Variants in PRKAA1 observed in about 807,000 individuals in gnomAD.
PRKAA1 encodes protein kinase AMP-activated catalytic subunit alpha 1, also known as 5'-AMP-activated protein kinase catalytic subunit alpha-1.
In PRKAA1, 23 loss-of-function variants were observed where a neutral mutation model predicts 56.9. The ratio of observed to expected loss-of-function variants is 0.40; its 90% confidence interval spans 0.29 to 0.57. The LOEUF (loss-of-function observed/expected upper bound fraction) is 0.57. Among genes scored for constraint, PRKAA1 ranks in the 20% least tolerant of loss-of-function variants. The pLI, the probability that PRKAA1 is intolerant of heterozygous loss-of-function variation, is 0.39. For missense variants in PRKAA1, 413 were observed against 679.7 expected, an observed-to-expected ratio of 0.61 and a Z score of 4.36; for synonymous variants, 226 against 227.0, an observed-to-expected ratio of 1.00 and a Z score of 0.04.
chr5:40,762,498 T>A lies in PRKAA1; in HGVS notation c.*280A>T. On this transcript the variant is annotated 3_prime_UTR_variant, in exon 9 of 9. Transcript: ENST00000397128. ...TAATATTTCAAAGCCCTGTGTACAC[T>A]AAATATAAAATAGCCAAAAATCAAG... is the stretch of plus-strand genomic sequence containing the variant. The A allele has an allele frequency of 2.9e-6, 1 of 346,552 alleles. No homozygotes were observed. The highest frequency in any genetic ancestry group is 5.4e-6 in the Non-Finnish European group (1 of 185,950). The allele number at this position is 346,552 out of a possible 1,614,324, so 21.5% of individuals were successfully genotyped here.
At chr5:40,768,730 T>C (rs1020517060) in intron 5 of PRKAA1, 1 of 1,304,166 alleles carries the variant, frequency 7.7e-7, no homozygotes, top group Non-Finnish European at 9.7e-7. Context: ...GGGTGAAAAG[T>C]TATTAAAAGT....
At position 40,762,277 on chromosome 5, in the gene PRKAA1, CAA is replaced by C. The variant is rs1171402721; in HGVS notation, c.*499_*500del. On this transcript the variant is annotated 3_prime_UTR_variant, in exon 9 of 9. Transcript: ENST00000397128. ...ACAAAGTGACACTGTCTCAAAAAAA[CAA>C]AGAGGGAGGGATATGGAAGAAGTTA... The C allele has an allele frequency of 1.3e-5, 2 of 155,848 alleles. No individual in the cohort carries two copies. The highest frequency in any genetic ancestry group is 1.3e-4 in the Admixed American group (2 of 15,850). 9.7% of individuals were successfully genotyped at this position (155,848 alleles called of 1,614,324 possible).
intron 1 of PRKAA1, among the ~76,000 whole-genome samples, chr5:40,777,795 G>A (rs886972224): frequency 2.0e-5 from 3 of 149,632 alleles, no homozygotes; most frequent in Non-Finnish European, 3.0e-5. Flanking sequence ...ATTAATGGCC[G>A]GGAGCGGTGG....
chr5:40,771,847 CTT>C lies in PRKAA1; in HGVS notation c.378_379del (p.Arg128AlafsTer21). On this transcript the variant is annotated frameshift_variant, in exon 4 of 9. Transcript: ENST00000397128. LOFTEE classifies it high-confidence loss of function. ...AAGGATCTGTTGGAACAGACGCCGA[CTT>C]TCTTTTTCATCCAGCTAAGAAAAGT... The C allele has an allele frequency of 6.2e-7, 1 of 1,609,094 alleles. No individual in the cohort carries two copies. The highest frequency in any genetic ancestry group is 8.5e-7 in the Non-Finnish European group (1 of 1,179,054).
rs1252317432 is a variant in PRKAA1 at position 40,760,123 on chromosome 5, G to A, written c.*2655C>T. Reference sequence around the variant, plus strand: ...AATAAAAAAAGATTAAAAATCATTTGCATTGCCTCCCTTACCTCTTCAATA... The same window carrying A: ...AATAAAAAAAGATTAAAAATCATTTACATTGCCTCCCTTACCTCTTCAATA... On this transcript the variant is annotated 3_prime_UTR_variant, in exon 9 of 9. Coordinates refer to ENST00000397128, the MANE Select transcript of PRKAA1 (RefSeq NM_006251.6). 2.0e-5 allele frequency: 3 copies of A among 152,662 alleles called. No homozygotes were observed. The highest frequency in any genetic ancestry group is 4.4e-5 in the Non-Finnish European group (3 of 68,004). 9.5% of individuals were successfully genotyped at this position (152,662 alleles called of 1,614,324 possible).
chr5:40,763,411 C>T (rs1179979724), intron 8 of PRKAA1, among the ~76,000 whole-genome samples: 1 of 152,038 alleles, frequency 6.6e-6, no homozygotes, highest in African/African-American at 2.4e-5. Flanking sequence ...TCATCCAGCC[C>T]CTCACTTTAT....
chr5:40,783,781 GA>G (rs926143760), intron 1 of PRKAA1, among the ~76,000 whole-genome samples: 1 of 151,992 alleles, frequency 6.6e-6, no homozygotes, highest in Non-Finnish European at 1.5e-5. Flanking sequence ...TTCCAAAGGG[GA>G]AAAAAACAAT....
chr5:40,775,506 G>T lies in PRKAA1; in HGVS notation c.270-3C>A. 6.4e-7 allele frequency: 1 copy of T among 1,572,414 alleles called. No individual in the cohort carries two copies. The highest frequency in any genetic ancestry group is 8.8e-7 in the Non-Finnish European group (1 of 1,142,848). ...ATGGTGTACTGATGACCTGGTACCTGGTGAGAGAAAACATTGTCTACAAAT... is the reference window on the plus strand; with the variant it reads ...ATGGTGTACTGATGACCTGGTACCTTGTGAGAGAAAACATTGTCTACAAAT... On this transcript the variant is annotated splice_region_variant and splice_polypyrimidine_tract_variant and intron_variant, in intron 2 of 8. Transcript: ENST00000397128.
intron 1 of PRKAA1, among the ~76,000 whole-genome samples, chr5:40,777,838 C>T (rs996736070): frequency 1.3e-5 from 2 of 151,822 alleles, no homozygotes; most frequent in Non-Finnish European, 1.5e-5. Context: ...TTTGGGAGGC[C>T]GAGGCGGGCA....
At position 40,764,508 on chromosome 5, in the gene PRKAA1, A is replaced by G; in HGVS notation, c.1435+6T>C. ...TAATCTATGTTGTTTTGTGTGATGT[A>G]CATACCATCAATACTACGGAAATCC... is the stretch of plus-strand genomic sequence containing the variant. On this transcript the variant is annotated splice_donor_region_variant and intron_variant, in intron 8 of 8. Transcript: ENST00000397128. 1 of 1,609,386 alleles carries G rather than the reference A, an allele frequency of 6.2e-7. No individual in the cohort carries two copies. Among genetic ancestry groups the G allele is most frequent in the South Asian group, 1.1e-5 (1 of 90,734 alleles).
intron 1 of PRKAA1, among the ~76,000 whole-genome samples, chr5:40,792,385 TACA>T (rs1430938192): frequency 6.6e-6 from 1 of 152,204 alleles, no homozygotes; most frequent in Non-Finnish European, 1.5e-5. Context: ...TATTAATATT[TACA>T]ACAATATGGC....
chr5:40,771,933 A>C, intron 3 of PRKAA1, 70 bp from the exon 4 acceptor site: 2 of 1,527,392 alleles, frequency 1.3e-6, no homozygotes, highest in Non-Finnish European at 8.8e-7. Flanking sequence ...ATAATTCTCC[A>C]ACCTATAAAA....
chr5:40,764,525 C>T lies in PRKAA1; in HGVS notation c.1424G>A (p.Arg475His), dbSNP rs761385811. ...TGTGATGTACATACCATCAATACTACGGAAATCCAGTAGATAAGTTCTACT... is the reference window on the plus strand; with the variant it reads ...TGTGATGTACATACCATCAATACTATGGAAATCCAGTAGATAAGTTCTACT... ...VDSRTYLLDF[R>H]SIDDEITEAK... The change falls in exon 8 of 9, where the codon CGT becomes CAT. Residue 475 changes from arginine (R) to histidine (H), a missense_variant. By Grantham distance (29) the Arg-to-His change is conservative. This residue lies in a region of PRKAA1 where 139 missense variants were observed against 171.5 expected (regional missense o/e 0.81). Transcript: ENST00000397128. The T allele has an allele frequency of 8.7e-6, 14 of 1,611,470 alleles. No individual in the cohort carries two copies. The highest frequency in any genetic ancestry group is 2.7e-5 in the African/African-American group (2 of 74,960).
intron 1 of PRKAA1, among the ~76,000 whole-genome samples, chr5:40,778,157 G>A (rs1416547988): frequency 6.6e-6 from 1 of 152,182 alleles, no homozygotes; most frequent in East Asian, 1.9e-4. Context: ...GGTGAAGCAG[G>A]AGAATCACTT....
At chr5:40,765,304 T>C (rs1435507800) in intron 6 of PRKAA1, 66 bp from the exon 7 acceptor site, 2 of 1,462,764 alleles carry the variant, frequency 1.4e-6, no homozygotes, top group Non-Finnish European at 9.2e-7. Flanking sequence ...AGTAACAGTT[T>C]AGGGAATTTA....
intron 1 of PRKAA1, among the ~76,000 whole-genome samples, chr5:40,785,733 G>A (rs1471673093): frequency 1.3e-5 from 2 of 152,022 alleles, no homozygotes; most frequent in Non-Finnish European, 2.9e-5. Context: ...CTTTTCAGAC[G>A]TGACTAGTGA....
At chr5:40,767,252 T>C (rs781592561) in intron 6 of PRKAA1, among the ~76,000 whole-genome samples, 3 of 152,150 alleles carry the variant, frequency 2.0e-5, no homozygotes, top group Non-Finnish European at 4.4e-5. Context: ...AAGTAAAAAG[T>C]GAAAGCCCTC....
At chr5:40,768,975 A>T (rs1335335778) in intron 5 of PRKAA1, 1 of 1,387,218 alleles carries the variant, frequency 7.2e-7, no homozygotes, top group East Asian at 2.3e-5. Context: ...ACATAAATGA[A>T]GTCTAAAGAT....
rs1743519019 is a variant in PRKAA1, at chr5:40,767,501, C to T, written c.786G>A (p.Val262=). The change falls in exon 6 of 9, where the codon GTG becomes GTA. Residue 262 remains valine, a synonymous_variant. Transcript: ENST00000397128. ...TGATTGTGGCCCTCTTCATGGGATC[C>T]ACCTGCAGCATATGTTTCAAAAGGC... ...VISLLKHMLQ[V]DPMKRATIKD... is the part of the protein sequence containing the mutation. 6.2e-7 allele frequency: 1 copy of T among 1,613,426 alleles called. No homozygotes were observed. The highest frequency in any genetic ancestry group is 8.5e-7 in the Non-Finnish European group (1 of 1,179,604).
Sources: gnomAD v4.1 joint callset for allele counts (sites outside exome capture counted in the v4.1 genomes callset) on GRCh38, gnomAD v4.1.1 for gene constraint, gnomAD v4.1.1 regional missense constraint, MANE v1.5 for transcripts, NCBI Gene and HGNC (gene_info 2026-07-23, HGNC 2026-07-21) for gene names.